Variants in NTNG2 observed in about 807,000 individuals in gnomAD.
The protein encoded by NTNG2 is netrin G2, also known as netrin-G2.
NTNG2 carries 15 observed loss-of-function variants against 47.6 expected under a neutral mutation model. That is an observed-to-expected ratio of 0.32 (90% confidence interval 0.21 to 0.49). The LOEUF (loss-of-function observed/expected upper bound fraction) is 0.49. Among genes scored for constraint, NTNG2 ranks in the 20% least tolerant of loss-of-function variants. The probability of loss-of-function intolerance (pLI) is 0.99; values close to 1 mark genes in which losing one functional copy is unlikely to be tolerated. For missense variants in NTNG2, 578 were observed against 764.6 expected (o/e 0.76, Z 2.88); for synonymous variants, 307 against 324.6 (o/e 0.95, Z 0.58).
intron 3 of NTNG2, among the ~76,000 whole-genome samples, chr9:132,205,732 T>A (rs2130789378): frequency 6.6e-6 from 1 of 152,014 alleles, no homozygotes; most frequent in East Asian, 1.9e-4. Context: ...AATACAAAAA[T>A]TACCTAGGTG....
chr9:132,220,758 C>T (rs571644195), intron 3 of NTNG2, among the ~76,000 whole-genome samples: 1 of 152,226 alleles, frequency 6.6e-6, no homozygotes, highest in South Asian at 2.1e-4. Flanking sequence ...CCCTACGTTT[C>T]CATCTGAGAG....
At chr9:132,186,100 C>G (rs1056762285) in intron 2 of NTNG2, among the ~76,000 whole-genome samples, 1 of 152,166 alleles carries the variant, frequency 6.6e-6, no homozygotes, top group African/African-American at 2.4e-5. Context: ...TGCAAAGCAC[C>G]GGCCAAATTT....
At chr9:132,194,614 A>C (rs1327198881) in intron 2 of NTNG2, among the ~76,000 whole-genome samples, 1 of 152,190 alleles carries the variant, frequency 6.6e-6, no homozygotes, top group African/African-American at 2.4e-5. Context: ...TCTGCTCTCG[A>C]GAAGGCTGGG....
chr9:132,231,787 C>A lies in NTNG2; in HGVS notation c.1054+1192C>A. 1 of 169,296 alleles carries A rather than the reference C, an allele frequency of 5.9e-6. No homozygotes were observed. The highest frequency in any genetic ancestry group is 1.3e-5 in the Non-Finnish European group (1 of 77,110). The allele number at this position is 169,296 out of a possible 1,614,324, so 10.5% of individuals were successfully genotyped here. A position where few individuals can be genotyped will look rare whatever the true frequency, so the allele number is the denominator to read the frequency against. ...ATGGCGCCCAGCACCCCACAGCCCA[C>A]AGGTGGGTGCCAGGGTACAGCGACC... is the stretch of plus-strand genomic sequence containing the variant. On this transcript the variant is annotated intron_variant, in intron 5 of 7. Transcript: ENST00000393229. This position sits in a 1 kb window ranked among gnomAD's most constrained non-coding sequence, Gnocchi z 4.1.
intron 5 of NTNG2, among the ~76,000 whole-genome samples, chr9:132,234,239 G>A (rs1589553578): frequency 6.6e-6 from 1 of 152,144 alleles, no homozygotes; most frequent in African/African-American, 2.4e-5. Flanking sequence ...TGTTGGTCAG[G>A]CTGGTGTTGA....
intron 2 of NTNG2, among the ~76,000 whole-genome samples, chr9:132,186,131 G>A (rs1326851924): frequency 1.3e-5 from 2 of 152,204 alleles, no homozygotes; most frequent in African/African-American, 2.4e-5. Flanking sequence ...CTCGAAGGAG[G>A]GAGCAGTGGG....
intron 3 of NTNG2, among the ~76,000 whole-genome samples, chr9:132,210,765 C>T (rs1373140143): frequency 5.3e-5 from 8 of 152,188 alleles, no homozygotes. Flanking sequence ...TTGTTCTGCC[C>T]CTGGGCTGGG....
At chr9:132,179,182 G>A (rs536080830) in intron 2 of NTNG2, among the ~76,000 whole-genome samples, 3 of 152,284 alleles carry the variant, frequency 2.0e-5, no homozygotes, top group Non-Finnish European at 2.9e-5. Context: ...CCATCTACAC[G>A]TGCCCTGGAT....
chr9:132,227,468 G>A (rs1462357595), intron 4 of NTNG2, among the ~76,000 whole-genome samples: 1 of 152,176 alleles, frequency 6.6e-6, no homozygotes, highest in Non-Finnish European at 1.5e-5. Context: ...GGAGTGATGG[G>A]GTGGGACCCC....
rs567919219 is a variant in NTNG2 at position 132,180,388 on chromosome 9, A to G, written c.213+13344A>G. ...GTCCCTCCCTCTGGGGGATCAAGAGATGGCCAAAAGCAGGTGGCAGCAAGT... is the reference window on the plus strand; with the variant it reads ...GTCCCTCCCTCTGGGGGATCAAGAGGTGGCCAAAAGCAGGTGGCAGCAAGT... On this transcript the variant is annotated intron_variant, in intron 2 of 7. Coordinates refer to ENST00000393229, the MANE Select transcript of NTNG2 (RefSeq NM_032536.4). This position sits in a 1 kb window ranked among gnomAD's most constrained non-coding sequence, Gnocchi z 4.2. 1.3e-5 allele frequency among the ~76,000 whole-genome samples: 2 copies of G among 152,256 alleles called. No individual in the cohort carries two copies. Among genetic ancestry groups the G allele is most frequent in the South Asian group, 4.1e-4 (2 of 4,822 alleles).
chr9:132,230,584 G>C lies in NTNG2; in HGVS notation c.1043G>C (p.Gly348Ala), dbSNP rs374939709. 1.9e-6 allele frequency: 3 copies of C among 1,604,986 alleles called. No individual in the cohort carries two copies. The highest frequency in any genetic ancestry group is 1.7e-6 in the Non-Finnish European group (2 of 1,175,968). The change falls in exon 5 of 8, where the codon GGT becomes GCT. Residue 348 changes from glycine (G) to alanine (A), a missense_variant. Coordinates refer to ENST00000393229, the MANE Select transcript of NTNG2 (RefSeq NM_032536.4). ...HGSPNACATA[G>A]SFGNCECYGH... ...CTCTCTCCCACAGGTGCCACTGCAG[G>C]TTCCTTTGGCAGTAAGTACACGCCT...
At chr9:132,211,847 G>C (rs1301479876) in intron 3 of NTNG2, among the ~76,000 whole-genome samples, 1 of 152,222 alleles carries the variant, frequency 6.6e-6, no homozygotes. Flanking sequence ...AGCAGGGATG[G>C]GGTCTGGCTT....
At chr9:132,207,000 G>C (rs1839215518) in intron 3 of NTNG2, among the ~76,000 whole-genome samples, 1 of 152,256 alleles carries the variant, frequency 6.6e-6, no homozygotes, top group Non-Finnish European at 1.5e-5. Context: ...GGGCAGGAGG[G>C]GCATCTCGGC....
rs374695516 is a variant in NTNG2 at position 132,237,090 on chromosome 9, G to A, written c.1055-2014G>A. On this transcript the variant is annotated intron_variant, in intron 5 of 7. Coordinates refer to ENST00000393229, the MANE Select transcript of NTNG2 (RefSeq NM_032536.4). The stretch of plus-strand genomic sequence containing the variant: ...GCTTCCAAGAAGGTCTTAGCAGGGC[G>A]CGGGGGTGTCAGGGGTTACAGAAGT... 3.8e-4 allele frequency among the ~76,000 whole-genome samples: 58 copies of A among 152,302 alleles called. No homozygotes were observed. In the South Asian group the frequency reaches 9.7e-3, roughly 26 times the overall value.
At chr9:132,238,310 A>G (rs1057170839) in intron 5 of NTNG2, among the ~76,000 whole-genome samples, 1 of 152,106 alleles carries the variant, frequency 6.6e-6, no homozygotes, top group South Asian at 2.1e-4. Context: ...TGGTCCTTGG[A>G]GCGGAGCTGG....
At chr9:132,223,317 C>T (rs1200713322) in intron 3 of NTNG2, among the ~76,000 whole-genome samples, 1 of 152,172 alleles carries the variant, frequency 6.6e-6, no homozygotes, top group Non-Finnish European at 1.5e-5. Context: ...TGGAAGGCGG[C>T]CCCCAGGGGA....
Position 132,197,582 on chromosome 9 carries a change from C to T in NTNG2, c.214-384C>T, listed in dbSNP as rs143149907. ...GGCAGGGGCAGGAGGACAGCTGTCCCGGGGAGGCCCAGGCACACTGTCACC... is the reference window on the plus strand; with the variant it reads ...GGCAGGGGCAGGAGGACAGCTGTCCTGGGGAGGCCCAGGCACACTGTCACC... On this transcript the variant is annotated intron_variant, in intron 2 of 7. Transcript: ENST00000393229. This position sits in a 1 kb window ranked among gnomAD's most constrained non-coding sequence, Gnocchi z 4.3. Among the ~76,000 whole-genome samples, 5 of 151,746 alleles carry T rather than the reference C, an allele frequency of 3.3e-5. No homozygotes were observed. Among genetic ancestry groups the T allele is most frequent in the African/African-American group, 4.8e-5 (2 of 41,356 alleles).
intron 3 of NTNG2, among the ~76,000 whole-genome samples, chr9:132,206,416 C>T (rs1839167704): frequency 6.6e-6 from 1 of 152,202 alleles, no homozygotes; most frequent in Non-Finnish European, 1.5e-5. Flanking sequence ...CCTGTAATCC[C>T]AACACTTTGG....
chr9:132,239,642 G>A (rs573849118), intron 6 of NTNG2, among the ~76,000 whole-genome samples: 1 of 152,206 alleles, frequency 6.6e-6, no homozygotes, highest in Admixed American at 6.5e-5. Context: ...CTGGTGTGTG[G>A]GGGGGTCCCC....
Sources: gnomAD v4.1 joint callset for allele counts (sites outside exome capture counted in the v4.1 genomes callset) on GRCh38, gnomAD v4.1.1 for gene constraint, Gnocchi (gnomAD v3.1) non-coding constraint, MANE v1.5 for transcripts, NCBI Gene and HGNC (gene_info 2026-07-23, HGNC 2026-07-21) for gene names.